Variants in TTC28 observed in about 807,000 individuals in gnomAD.
TTC28 encodes the protein tetratricopeptide repeat protein 28.
A neutral mutation model predicts 198.0 loss-of-function variants in TTC28; 61 were observed. That is an observed-to-expected ratio of 0.31 (90% CI 0.25 to 0.38). The LOEUF (loss-of-function observed/expected upper bound fraction) is 0.38, where lower values mean the gene tolerates loss of function less well. TTC28 is among the 10% of genes least tolerant of loss of function. TTC28 has a pLI of 1.00. For synonymous variants in TTC28, 1,171 were observed against 1,297.8 expected (o/e 0.90, Z 2.10); for missense variants, 2,678 against 3,164.0 (o/e 0.85, Z 3.69).
intron 2 of TTC28, among the ~76,000 whole-genome samples, chr22:28,368,013 T>C (rs1307182973): frequency 6.6e-6 from 1 of 151,994 alleles, no homozygotes; most frequent in Non-Finnish European, 1.5e-5. Flanking sequence ...CAAATCAAAC[T>C]GTTCCTAAAA....
chr22:28,557,407 T>C (rs983723566), intron 2 of TTC28, among the ~76,000 whole-genome samples: 5 of 152,230 alleles, frequency 3.3e-5, no homozygotes, highest in African/African-American at 7.2e-5. Flanking sequence ...ATCTTCTAGT[T>C]CACTAATTCT....
chr22:28,243,127 C>G (rs1253794073), intron 5 of TTC28, among the ~76,000 whole-genome samples: 3 of 127,090 alleles, frequency 2.4e-5, no homozygotes, highest in Non-Finnish European at 4.7e-5. Context: ...TGCTTGAGCC[C>G]AAGAGTTTGA....
At chr22:28,461,186 G>A (rs1376996784) in intron 2 of TTC28, among the ~76,000 whole-genome samples, 2 of 152,014 alleles carry the variant, frequency 1.3e-5, no homozygotes, top group African/African-American at 4.8e-5. Context: ...TTTGTTAAAG[G>A]CAGAATGTCT....
chr22:28,249,558 A>G (rs916447621), intron 5 of TTC28, among the ~76,000 whole-genome samples: 2 of 152,200 alleles, frequency 1.3e-5, no homozygotes, highest in Admixed American at 6.5e-5. Context: ...GCTGAATGAG[A>G]TAATGTCTTG....
intron 2 of TTC28, among the ~76,000 whole-genome samples, chr22:28,450,569 C>T (rs145076359): frequency 2.0e-5 from 3 of 152,264 alleles, no homozygotes; most frequent in Non-Finnish European, 4.4e-5. Context: ...TATGATAATC[C>T]TATATGTTAT....
chr22:28,395,268 T>C (rs1033397177), intron 2 of TTC28, among the ~76,000 whole-genome samples: 1 of 152,204 alleles, frequency 6.6e-6, no homozygotes, highest in African/African-American at 2.4e-5. Flanking sequence ...AGCAAATTAA[T>C]CTTCCTCCCT....
intron 2 of TTC28, among the ~76,000 whole-genome samples, chr22:28,425,716 C>T (rs962648314): frequency 2.6e-5 from 4 of 152,116 alleles, no homozygotes; most frequent in African/African-American, 9.7e-5. Flanking sequence ...AGAGCCTCAC[C>T]GTGAAGAGGC....
intron 2 of TTC28, among the ~76,000 whole-genome samples, chr22:28,316,227 C>T (rs1408969899): frequency 6.6e-6 from 1 of 152,110 alleles, no homozygotes; most frequent in African/African-American, 2.4e-5. Context: ...TGCAAGTTCC[C>T]TTATCTGTGC....
chr22:28,105,837 T>C (rs1173497019), intron 7 of TTC28, 35 bp from the exon 8 acceptor site: 1 of 1,516,464 alleles, frequency 6.6e-7, no homozygotes, highest in Admixed American at 2.2e-5. Flanking sequence ...AATGATATTA[T>C]TTCATGCAGG....
intron 6 of TTC28, among the ~76,000 whole-genome samples, chr22:28,132,909 T>G (rs550413641): frequency 7.2e-5 from 11 of 152,080 alleles, no homozygotes; most frequent in Non-Finnish European, 1.3e-4. Context: ...TTACTATATA[T>G]GAGATAATAT....
At position 28,589,962 on chromosome 22, in the gene TTC28, G is replaced by A. The variant is rs185150275; in HGVS notation, c.381+39590C>T. ...CTGAGGCAGAGAACTGCTCGAACCC[G>A]GGAGGCAGAGGTTACAGTGAGCCCA... On this transcript the variant is annotated intron_variant, in intron 2 of 22. Transcript: ENST00000397906. Among the ~76,000 whole-genome samples the A allele has an allele frequency of 1.2e-3, 174 of 145,694 alleles. 1 individual carries two copies. The highest frequency in any genetic ancestry group is 2.1e-3 in the Non-Finnish European group (138 of 66,830).
At chr22:28,037,776 C>T (rs891033607) in intron 12 of TTC28, among the ~76,000 whole-genome samples, 4 of 152,196 alleles carry the variant, frequency 2.6e-5, no homozygotes, top group African/African-American at 9.7e-5. Context: ...ACCCCATCGT[C>T]TCAGCCCAAA....
intron 2 of TTC28, among the ~76,000 whole-genome samples, chr22:28,366,192 C>A (rs1186332978): frequency 6.6e-6 from 1 of 152,148 alleles, no homozygotes; most frequent in East Asian, 1.9e-4. Flanking sequence ...AATAAGAATC[C>A]TGTGAAGTTG....
Position 28,108,260 on chromosome 22 carries a change from T to C in TTC28, c.1585A>G (p.Met529Val), listed in dbSNP as rs1380078788. Reference sequence around the variant, plus strand: ...TGGTATTTGACCGCCTGGTCGTACATGCCCAGGGCATTGTAGGCATTGCCC... The same window carrying C: ...TGGTATTTGACCGCCTGGTCGTACACGCCCAGGGCATTGTAGGCATTGCCC... ...NMGNAYNALGMYDQAVKYHRQ... is the reference protein window; with the variant it reads ...NMGNAYNALGVYDQAVKYHRQ... The change falls in exon 7 of 23, where the codon ATG becomes GTG. Residue 529 changes from methionine (M) to valine (V), a missense_variant. Physicochemically the swap from Met to Val is conservative, Grantham distance 21 (BLOSUM62 1). Transcript: ENST00000397906. The C allele has an allele frequency of 2.6e-6, 4 of 1,550,380 alleles. No homozygotes were observed. Among genetic ancestry groups the C allele is most frequent in the South Asian group, 1.2e-5 (1 of 83,988 alleles).
At chr22:28,265,428 C>G (rs1008227577) in intron 5 of TTC28, among the ~76,000 whole-genome samples, 1 of 152,134 alleles carries the variant, frequency 6.6e-6, no homozygotes, top group Non-Finnish European at 1.5e-5. Flanking sequence ...GAAATGTTTT[C>G]TCTAAGAAGG....
intron 5 of TTC28, among the ~76,000 whole-genome samples, chr22:28,169,416 C>T (rs550666278): frequency 6.6e-6 from 1 of 152,238 alleles, no homozygotes; most frequent in Non-Finnish European, 1.5e-5. Context: ...GACTTGGAAC[C>T]AACCCAAATG....
intron 5 of TTC28, among the ~76,000 whole-genome samples, chr22:28,201,982 C>T: frequency 6.6e-6 from 1 of 152,048 alleles, no homozygotes; most frequent in Admixed American, 6.6e-5. Context: ...TATGAGTACC[C>T]ATCATATGCT....
intron 6 of TTC28, among the ~76,000 whole-genome samples, chr22:28,125,598 G>GGAAACACAA (rs1250393912): frequency 1.3e-5 from 2 of 152,128 alleles, no homozygotes; most frequent in Non-Finnish European, 2.9e-5. Flanking sequence ...ACACAAAACA[G>GGAAACACAA]TACAGATCAA....
intron 2 of TTC28, among the ~76,000 whole-genome samples, chr22:28,525,203 G>A (rs1230359052): frequency 6.6e-6 from 1 of 152,160 alleles, no homozygotes. Flanking sequence ...AGGCTGGAGT[G>A]CAGCGGTGCA....
Sources: allele counts gnomAD v4.1 joint callset (sites outside exome capture counted in the v4.1 genomes callset), GRCh38; gene constraint gnomAD v4.1.1; transcripts MANE v1.5; gene names NCBI Gene and HGNC (gene_info 2026-07-23, HGNC 2026-07-21).